The following AK8 variants were observed in gnomAD, a reference collection of about 807,000 sequenced individuals.
The protein encoded by AK8 is ATP-AMP transphosphorylase 8.
In AK8, 44 loss-of-function variants were observed where a neutral mutation model predicts 54.6. The observed-to-expected ratio is 0.81, with a 90% CI of 0.63 to 1.04. The LOEUF is 1.04. Among genes scored for constraint, AK8 ranks in the 50% least tolerant of loss-of-function variants. AK8 has a pLI of 0.00. For synonymous variants in AK8, 239 were observed against 245.6 expected, an observed-to-expected ratio of 0.97 and a Z score of 0.25; for missense variants, 555 against 613.6, an observed-to-expected ratio of 0.90 and a Z score of 1.01.
chr9:132,790,400 G>C lies in AK8; in HGVS notation c.1121+2234C>G, dbSNP rs771923230. On this transcript the variant is annotated intron_variant, in intron 11 of 12. Transcript: ENST00000298545. This position sits in a 1 kb window ranked among gnomAD's most constrained non-coding sequence, Gnocchi z 4.1. ...CAAGTAGCTGGGACTACAGGCGGCCGCCACCACGTCCAGCTAATTTTTTGT... is the reference window on the plus strand; with the variant it reads ...CAAGTAGCTGGGACTACAGGCGGCCCCCACCACGTCCAGCTAATTTTTTGT... Among the ~76,000 whole-genome samples the C allele has an allele frequency of 6.6e-6, 1 of 152,044 alleles. No homozygotes were observed. Among genetic ancestry groups the C allele is most frequent in the African/African-American group, 2.4e-5 (1 of 41,374 alleles).
intron 2 of AK8, among the ~76,000 whole-genome samples, chr9:132,870,732 G>A (rs1284954314): frequency 1.3e-5 from 2 of 152,188 alleles, no homozygotes; most frequent in African/African-American, 4.8e-5. Flanking sequence ...CACTGTGTGT[G>A]GCAGTTAACC....
rs533903891 is a variant in AK8 at position 132,770,246 on chromosome 9, GAAAC to G, written c.1121+22384_1121+22387del. On this transcript the variant is annotated intron_variant, in intron 11 of 12. Transcript: ENST00000298545. The surrounding 1 kb of genome is among the most constrained non-coding windows in gnomAD (Gnocchi z 4.3). ...AACGTGGCATTTAAAAGTGAAAGCG[GAAAC>G]AAACAGCAGCCCCGCCAGCCCGGGC... The G allele has an allele frequency of 3.6e-4, 55 of 152,434 alleles. No homozygotes were observed. The highest frequency in any genetic ancestry group is 1.2e-3 in the African/African-American group (51 of 41,572). 9.4% of individuals were successfully genotyped at this position (152,434 alleles called of 1,614,324 possible). A position where few individuals can be genotyped will look rare whatever the true frequency, so the allele number is the denominator to read the frequency against.
intron 11 of AK8, among the ~76,000 whole-genome samples, chr9:132,785,504 T>A (rs1839657611): frequency 6.6e-6 from 1 of 152,192 alleles, no homozygotes; most frequent in Non-Finnish European, 1.5e-5. Context: ...CTATTAGAAC[T>A]ATAAACAGAT....
intron 5 of AK8, among the ~76,000 whole-genome samples, chr9:132,843,491 G>C (rs979306832): frequency 6.6e-6 from 1 of 152,132 alleles, no homozygotes; most frequent in Non-Finnish European, 1.5e-5. Flanking sequence ...ATTTCTTTAT[G>C]CATTGCAAGA....
At position 132,837,450 on chromosome 9, in the gene AK8, G is replaced by A. The variant is rs1006866854; in HGVS notation, c.403-8724C>T. ...TCTGACTCTCTGCTCAGCCTGCGAA[G>A]AGAAGAGTGATGTGGTCAGTACTTC... On this transcript the variant is annotated intron_variant, in intron 5 of 12. Transcript: ENST00000298545. This position sits in a 1 kb window ranked among gnomAD's most constrained non-coding sequence, Gnocchi z 4.3. 6.6e-6 allele frequency among the ~76,000 whole-genome samples: 1 copy of A among 152,228 alleles called. No homozygotes were observed. Among genetic ancestry groups the A allele is most frequent in the African/African-American group, 2.4e-5 (1 of 41,532 alleles).
chr9:132,764,958 C>T (rs116808822), intron 11 of AK8, among the ~76,000 whole-genome samples: 3 of 152,196 alleles, frequency 2.0e-5, no homozygotes, highest in Non-Finnish European at 2.9e-5. Flanking sequence ...CAAAAATCCT[C>T]GACAAAATAC....
At chr9:132,868,948 A>T (rs1368929767) in intron 2 of AK8, among the ~76,000 whole-genome samples, 2 of 152,066 alleles carry the variant, frequency 1.3e-5, no homozygotes, top group African/African-American at 4.8e-5. Flanking sequence ...GGAGGCCGAG[A>T]TGGGCGGATC....
At chr9:132,871,135 A>G (rs1843809708) in intron 2 of AK8, among the ~76,000 whole-genome samples, 2 of 152,202 alleles carry the variant, frequency 1.3e-5, no homozygotes, top group Admixed American at 6.5e-5. Context: ...AATCCAAGCT[A>G]GTCAGGAGGC....
intron 5 of AK8, among the ~76,000 whole-genome samples, chr9:132,853,182 AC>A (rs1172276044): frequency 2.6e-5 from 4 of 151,538 alleles, no homozygotes; most frequent in African/African-American, 9.7e-5. Flanking sequence ...CAAGGGGGAA[AC>A]CCTATCTCTA....
intron 11 of AK8, among the ~76,000 whole-genome samples, chr9:132,756,768 C>T (rs1268533745): frequency 6.6e-6 from 1 of 152,106 alleles, no homozygotes. Flanking sequence ...GAGCAGGTGC[C>T]ATTGTCATCA....
intron 8 of AK8, 80 bp from the exon 9 acceptor site, chr9:132,823,416 C>CT: frequency 1.3e-6 from 2 of 1,568,428 alleles, no homozygotes; most frequent in South Asian, 2.3e-5. Flanking sequence ...TGCTTTGACT[C>CT]TTTTAACGGC....
intron 11 of AK8, among the ~76,000 whole-genome samples, chr9:132,759,680 A>G (rs1296948141): frequency 1.3e-5 from 2 of 152,188 alleles, no homozygotes; most frequent in Non-Finnish European, 2.9e-5. Flanking sequence ...GCGCAGCATC[A>G]TTTATTGGAA....
chr9:132,728,090 C>CAGAT (rs1321425601), intron 11 of AK8, among the ~76,000 whole-genome samples: 1 of 152,202 alleles, frequency 6.6e-6, no homozygotes, highest in Non-Finnish European at 1.5e-5. Flanking sequence ...CAAGAACAAG[C>CAGAT]AGATGGTCAT....
chr9:132,815,508 G>A (rs528436013), intron 9 of AK8, among the ~76,000 whole-genome samples: 4 of 152,004 alleles, frequency 2.6e-5, no homozygotes, highest in Admixed American at 6.5e-5. Context: ...AGCCAAGATC[G>A]CGTCACTGCG....
intron 11 of AK8, among the ~76,000 whole-genome samples, chr9:132,736,941 C>T (rs1837149615): frequency 6.6e-6 from 1 of 151,848 alleles, no homozygotes; most frequent in African/African-American, 2.4e-5. Context: ...TTCATACAGA[C>T]AGAAAGTAGA....
chr9:132,743,859 C>T (rs1174606230), intron 11 of AK8, among the ~76,000 whole-genome samples: 1 of 152,192 alleles, frequency 6.6e-6, no homozygotes, highest in African/African-American at 2.4e-5. Flanking sequence ...AGTGTTGCCT[C>T]CAGGCTGGAC....
intron 12 of AK8, 136 bp from the exon 13 acceptor site, chr9:132,726,061 A>G: frequency 1.4e-6 from 1 of 710,876 alleles, no homozygotes; most frequent in Non-Finnish European, 2.4e-6. Context: ...ACTACTGTGT[A>G]CTGCTGTGTG....
rs141183792 is a variant in AK8, at chr9:132,854,895, T to C, written c.364A>G (p.Ile122Val). ...TVPSALLVQLIQERLAEEDCI... is the reference protein window; with the variant it reads ...TVPSALLVQLVQERLAEEDCI... ...TCCTCTTCAGCCAGGCGTTCCTGAA[T>C]CAGCTGGACGAGCAGCGCGCTGGGA... Residue 122 changes from isoleucine to valine, a missense_variant, in exon 5 of 13, where the codon ATT becomes GTT. Coordinates refer to ENST00000298545, the MANE Select transcript of AK8 (RefSeq NM_152572.3). 1 of 1,614,004 alleles carries C rather than the reference T, an allele frequency of 6.2e-7. No homozygotes were observed. The highest frequency in any genetic ancestry group is 8.5e-7 in the Non-Finnish European group (1 of 1,179,994).
chr9:132,785,760 C>T lies in AK8; in HGVS notation c.1121+6874G>A, dbSNP rs569579972. 1.1e-4 allele frequency among the ~76,000 whole-genome samples: 16 copies of T among 152,344 alleles called. No homozygotes were observed. In the South Asian group the frequency reaches 3.1e-3, roughly 30 times the overall value. ...ACAGTGAAGACAACATCTACGGGCTCCACCCATGCATCCAGAGCTTCCATA... is the reference window on the plus strand; with the variant it reads ...ACAGTGAAGACAACATCTACGGGCTTCACCCATGCATCCAGAGCTTCCATA... On this transcript the variant is annotated intron_variant, in intron 11 of 12. Transcript: ENST00000298545.
Sources: gnomAD v4.1 joint callset for allele counts (sites outside exome capture counted in the v4.1 genomes callset) on GRCh38, gnomAD v4.1.1 for gene constraint, Gnocchi (gnomAD v3.1) non-coding constraint, MANE v1.5 for transcripts, NCBI Gene and HGNC (gene_info 2026-07-23, HGNC 2026-07-21) for gene names.